The following FBN2 variants were observed in gnomAD, a reference collection of about 807,000 sequenced individuals.
The protein encoded by FBN2 is fibrillin 2, also known as fibrillin-2.
Under a neutral mutation model 355.6 loss-of-function variants are expected in FBN2, and 105 were observed. The ratio of observed to expected loss-of-function variants is 0.30; its 90% CI spans 0.25 to 0.35. The LOEUF is 0.35. Ranked by LOEUF, FBN2 falls within the 10% of genes least tolerant of loss-of-function variation. The pLI, the probability that FBN2 is intolerant of heterozygous loss-of-function variation, is 1.00. For synonymous variants in FBN2, 1,350 were observed against 1,301.2 expected, an observed-to-expected ratio of 1.04 and a Z score of -0.81; for missense variants, 3,280 against 3,758.7, an observed-to-expected ratio of 0.87 and a Z score of 3.33.
intron 7 of FBN2, among the ~76,000 whole-genome samples, chr5:128,437,387 A>G (rs950379802): frequency 6.6e-6 from 1 of 152,246 alleles, no homozygotes; most frequent in Admixed American, 6.5e-5. Context: ...AATTCCACAC[A>G]GCATTAAAAC....
chr5:128,417,995 A>G (rs1753248198), intron 7 of FBN2, among the ~76,000 whole-genome samples: 1 of 150,110 alleles, frequency 6.7e-6, no homozygotes, highest in Non-Finnish European at 1.5e-5. Context: ...TTACTGATTA[A>G]GTCTTATTGC....
chr5:128,374,750 T>C lies in FBN2; in HGVS notation c.1973A>G (p.Asp658Gly). 2 of 1,613,868 alleles carry C rather than the reference T, an allele frequency of 1.2e-6. No individual in the cohort carries two copies. Among genetic ancestry groups the C allele is most frequent in the Non-Finnish European group, 8.5e-7 (1 of 1,179,846 alleles). Residue 658 changes from aspartate to glycine, a missense_variant and splice_region_variant, in exon 15 of 65, where the codon GAT becomes GGT. Transcript: ENST00000262464. ...TCCTGGGGTCTGGCATTCATCAACA[T>C]CTGTGCAGTGGGTGACAGAAGCCAA... is the stretch of plus-strand genomic sequence containing the variant. ...VLAPNGRYCT[D>G]VDECQTPGIC...
intron 15 of FBN2, among the ~76,000 whole-genome samples, chr5:128,373,722 A>T (rs1469995321): frequency 2.6e-5 from 4 of 152,178 alleles, no homozygotes; most frequent in African/African-American, 9.7e-5. Flanking sequence ...TATCACTGGA[A>T]TATATTGCTG....
intron 8 of FBN2, among the ~76,000 whole-genome samples, chr5:128,398,329 T>A (rs1008856061): frequency 6.6e-5 from 10 of 151,582 alleles, no homozygotes; most frequent in Admixed American, 1.3e-4. Context: ...GATATTGAAA[T>A]GGTCAGATCA....
At chr5:128,327,333 A>G (rs1396458959) in intron 34 of FBN2, among the ~76,000 whole-genome samples, 1 of 152,114 alleles carries the variant, frequency 6.6e-6, no homozygotes, top group Admixed American at 6.5e-5. Context: ...CTTTTGGCAC[A>G]CTTTCTTTCT....
At position 128,350,686 on chromosome 5, in the gene FBN2, T is replaced by C. The variant is rs151987; in HGVS notation, c.2812+182A>G. Among the ~76,000 whole-genome samples the C allele has an allele frequency of 0.3, 45,233 of 152,214 alleles. 7,101 individuals are homozygous for C. The highest frequency in any genetic ancestry group is 0.35 in the Non-Finnish European group (23,693 of 67,990). ...AAAATATTTAGAAGGCCTGCTTATGTACCAGGATAAAACAAATACACATTT... is the reference window on the plus strand; with the variant it reads ...AAAATATTTAGAAGGCCTGCTTATGCACCAGGATAAAACAAATACACATTT... On this transcript the variant is annotated intron_variant, in intron 21 of 64. Transcript: ENST00000262464.
At chr5:128,386,045 TTTTG>T (rs1263243343) in intron 11 of FBN2, among the ~76,000 whole-genome samples, 2 of 152,144 alleles carry the variant, frequency 1.3e-5, no homozygotes, top group African/African-American at 4.8e-5. Flanking sequence ...ATTTGTCAAT[TTTTG>T]TTTTTGTTGC....
At chr5:128,445,256 C>T (rs775512361) in intron 7 of FBN2, among the ~76,000 whole-genome samples, 3 of 151,964 alleles carry the variant, frequency 2.0e-5, no homozygotes, top group Non-Finnish European at 4.4e-5. Flanking sequence ...AAACTTTCTT[C>T]CTAGAGGGAG....
At chr5:128,477,258 A>G (rs1243661533) in intron 5 of FBN2, among the ~76,000 whole-genome samples, 3 of 152,210 alleles carry the variant, frequency 2.0e-5, no homozygotes, top group Non-Finnish European at 4.4e-5. Flanking sequence ...CACAAAGAGC[A>G]TTTCCATCAT....
intron 55 of FBN2, among the ~76,000 whole-genome samples, chr5:128,284,718 G>A (rs1749092879): frequency 6.6e-6 from 1 of 152,184 alleles, no homozygotes; most frequent in Non-Finnish European, 1.5e-5. Flanking sequence ...AGTTCTTAAA[G>A]CCTTAGAATC....
intron 11 of FBN2, among the ~76,000 whole-genome samples, chr5:128,389,758 T>G (rs556683062): frequency 1.3e-5 from 2 of 152,002 alleles, no homozygotes. Context: ...CTGCAAAGAG[T>G]GGGCCACTCC....
chr5:128,301,788 G>A (rs535020259), intron 46 of FBN2, among the ~76,000 whole-genome samples: 25 of 152,096 alleles, frequency 1.6e-4, no homozygotes, highest in Admixed American at 1.4e-3. Context: ...CAAGGTTTAC[G>A]GTGAAGCTTT....
At chr5:128,494,750 A>G (rs1319920867) in intron 5 of FBN2, among the ~76,000 whole-genome samples, 1 of 152,196 alleles carries the variant, frequency 6.6e-6, no homozygotes, top group African/African-American at 2.4e-5. Flanking sequence ...GAAGAAACAG[A>G]CTTCACTAAG....
intron 41 of FBN2, among the ~76,000 whole-genome samples, chr5:128,308,835 T>C (rs1480482836): frequency 6.6e-6 from 1 of 152,176 alleles, no homozygotes; most frequent in Non-Finnish European, 1.5e-5. Context: ...TTTCCACGGC[T>C]GAACTAAAAA....
chr5:128,377,207 G>T (rs188457339), intron 13 of FBN2, among the ~76,000 whole-genome samples: 147 of 152,218 alleles, frequency 9.7e-4, no homozygotes, highest in African/African-American at 3.5e-3. Flanking sequence ...CAAATGAAAT[G>T]ATCTGGACTT....
intron 5 of FBN2, among the ~76,000 whole-genome samples, chr5:128,482,426 A>G (rs1043638902): frequency 2.0e-5 from 3 of 152,168 alleles, no homozygotes; most frequent in East Asian, 1.9e-4. Flanking sequence ...TGAAGATTCA[A>G]TGATCTACCC....
intron 4 of FBN2, among the ~76,000 whole-genome samples, chr5:128,526,860 T>C (rs1756574559): frequency 6.6e-6 from 1 of 152,132 alleles, no homozygotes; most frequent in African/African-American, 2.4e-5. Flanking sequence ...ACTATACACT[T>C]AAAAGTGGCT....
intron 19 of FBN2, among the ~76,000 whole-genome samples, chr5:128,359,281 A>G (rs982894060): frequency 6.6e-6 from 1 of 152,106 alleles, no homozygotes; most frequent in African/African-American, 2.4e-5. Flanking sequence ...AAAAGCTAAG[A>G]TTTGCAATGA....
At chr5:128,462,486 C>T (rs1754584705) in intron 6 of FBN2, among the ~76,000 whole-genome samples, 1 of 152,120 alleles carries the variant, frequency 6.6e-6, no homozygotes, top group African/African-American at 2.4e-5. Flanking sequence ...AACTTTTCAA[C>T]GTGCTTTTCC....
Sources: allele counts gnomAD v4.1 joint callset (sites outside exome capture counted in the v4.1 genomes callset), GRCh38; gene constraint gnomAD v4.1.1; transcripts MANE v1.5; gene names NCBI Gene and HGNC (gene_info 2026-07-23, HGNC 2026-07-21).